IL1RAPL1: variants seen among roughly 807,000 people sequenced by gnomAD.
IL1RAPL1 encodes the protein interleukin-1 receptor accessory protein-like 1.
In IL1RAPL1, 3 loss-of-function variants were observed where a neutral mutation model predicts 48.4. That is an observed-to-expected ratio of 0.06 (90% CI 0.03 to 0.16). The LOEUF (loss-of-function observed/expected upper bound fraction) is 0.16, where lower values mean the gene tolerates loss of function less well. Ranked by LOEUF, IL1RAPL1 falls within the 10% of genes least tolerant of loss-of-function variation. The pLI is 1.00. For missense variants in IL1RAPL1, 349 were observed against 530.6 expected (o/e 0.66, Z 3.36); for synonymous variants, 185 against 187.7 (o/e 0.99, Z 0.12).
intron 2 of IL1RAPL1, among the ~76,000 whole-genome samples, chrX:28,915,110 C>T (rs1321808656): frequency 9.0e-6 from 1 of 111,559 alleles, no homozygotes; most frequent in Non-Finnish European, 1.9e-5. Flanking sequence ...AAGGAGCATG[C>T]AGCCTAGATC....
intron 5 of IL1RAPL1, among the ~76,000 whole-genome samples, chrX:29,543,434 C>T (rs950125794): frequency 3.6e-5 from 4 of 110,053 alleles, no homozygotes; most frequent in East Asian, 2.8e-4. Context: ...TGTTCTAAAG[C>T]GTTTTTTAAA....
Position 29,476,872 on chromosome X carries a change from C to CTTTT in IL1RAPL1, c.703+77580_703+77583dup, listed in dbSNP as rs1198120274. ...GACTCATTTACTTTTTACCCATATT[C>CTTTT]TTTTTTTTTTTTTTTTTTTGAGACG... is the stretch of plus-strand genomic sequence containing the variant. On this transcript the variant is annotated intron_variant, in intron 5 of 10. Coordinates refer to ENST00000378993, the MANE Select transcript of IL1RAPL1 (RefSeq NM_014271.4). 5.8e-4 allele frequency among the ~76,000 whole-genome samples: 31 copies of CTTTT among 53,899 alleles called. 5 individuals carry two copies. The highest frequency in any genetic ancestry group is 3.7e-3 in the South Asian group (3 of 803). The allele number at this position is 53,899 out of a possible 115,157, so 46.8% of individuals were successfully genotyped here.
intron 2 of IL1RAPL1, chrX:28,942,267 C>A (rs1464207203): frequency 9.2e-6 from 1 of 109,044 alleles, no homozygotes; most frequent in Non-Finnish European, 1.9e-5. Flanking sequence ...TTCTTCTTTA[C>A]TCCTGAATCT....
chrX:29,894,546 A>ATGTT (rs1194378339), intron 6 of IL1RAPL1, among the ~76,000 whole-genome samples: 1 of 112,351 alleles, frequency 8.9e-6, no homozygotes, highest in African/African-American at 3.2e-5. Flanking sequence ...TAGAACAATC[A>ATGTT]TGTTTGTTTT....
intron 6 of IL1RAPL1, among the ~76,000 whole-genome samples, chrX:29,799,445 A>G (rs991990015): frequency 8.9e-6 from 1 of 112,221 alleles, no homozygotes; most frequent in Non-Finnish European, 1.9e-5. Context: ...TGCCAATATT[A>G]CGATTAGCAA....
rs996452581 is a variant in IL1RAPL1, at chrX:28,615,575, T to C, written c.-25+27528T>C. On this transcript the variant is annotated intron_variant, in intron 1 of 10. Coordinates refer to ENST00000378993, the MANE Select transcript of IL1RAPL1 (RefSeq NM_014271.4). Reference sequence around the variant, plus strand: ...ATGATAAAAGCCATCAACAGGCCCTTGTCCTGCTGAGTTTCCCTGTGAAGC... The same window carrying C: ...ATGATAAAAGCCATCAACAGGCCCTCGTCCTGCTGAGTTTCCCTGTGAAGC... 2.7e-5 allele frequency among the ~76,000 whole-genome samples: 3 copies of C among 110,921 alleles called. No homozygotes were observed. In the Admixed American group the frequency reaches 2.9e-4, roughly 11 times the overall value.
chrX:29,419,802 T>G (rs1303792326), intron 5 of IL1RAPL1, among the ~76,000 whole-genome samples: 1 of 111,783 alleles, frequency 8.9e-6, no homozygotes, highest in African/African-American at 3.3e-5. Flanking sequence ...AGTTTAAGAT[T>G]TTTTTTATAT....
chrX:29,335,734 G>A (rs1251602058), intron 3 of IL1RAPL1, among the ~76,000 whole-genome samples: 2 of 111,331 alleles, frequency 1.8e-5, no homozygotes, highest in African/African-American at 3.3e-5. Flanking sequence ...CTTGACCTGA[G>A]GCCTTTGACC....
intron 5 of IL1RAPL1, among the ~76,000 whole-genome samples, chrX:29,431,293 C>A (rs1375485988): frequency 8.9e-6 from 1 of 112,043 alleles, no homozygotes; most frequent in Non-Finnish European, 1.9e-5. Flanking sequence ...TTCACATCTT[C>A]CTTTTTTGAT....
At chrX:29,053,929 T>C (rs1927154392) in intron 2 of IL1RAPL1, among the ~76,000 whole-genome samples, 1 of 112,093 alleles carries the variant, frequency 8.9e-6, no homozygotes, top group African/African-American at 3.2e-5. Flanking sequence ...GTGCCTGGCT[T>C]ATTTGACCTA....
chrX:29,869,104 A>C (rs751178836), intron 6 of IL1RAPL1, among the ~76,000 whole-genome samples: 1 of 112,401 alleles, frequency 8.9e-6, no homozygotes, highest in East Asian at 2.8e-4. Flanking sequence ...GCACTAACAC[A>C]CAAGAGTTTA....
chrX:29,332,965 T>C (rs760597716), intron 3 of IL1RAPL1, among the ~76,000 whole-genome samples: 4,208 of 103,145 alleles, frequency 0.041, no homozygotes, highest in Middle Eastern at 0.063. Context: ...GGGTTGGGGG[T>C]AAGGTCACAG....
intron 2 of IL1RAPL1, among the ~76,000 whole-genome samples, chrX:28,959,712 T>C (rs1270404177): frequency 8.9e-6 from 1 of 112,228 alleles, no homozygotes; most frequent in African/African-American, 3.2e-5. Flanking sequence ...ATTCTGTAAA[T>C]ATTTGGAAAT....
intron 2 of IL1RAPL1, among the ~76,000 whole-genome samples, chrX:29,251,000 T>G (rs909365870): frequency 3.5e-5 from 3 of 85,074 alleles, no homozygotes; most frequent in Non-Finnish European, 5.1e-5. Flanking sequence ...TTTGGATCAC[T>G]TCTTTTCTGG....
At position 28,982,395 on chromosome X, in the gene IL1RAPL1, G is replaced by A. The variant is rs1038329822; in HGVS notation, c.82+192970G>A. Among the ~76,000 whole-genome samples the A allele has an allele frequency of 4.5e-5, 5 of 111,949 alleles. No individual in the cohort carries two copies. In the Admixed American group the frequency reaches 4.7e-4, roughly 11 times the overall value. ...CATTTATAATGTGGGGATAATTATAGTACCTTCCTTGTGGAGTTCTTGTGA... is the reference window on the plus strand; with the variant it reads ...CATTTATAATGTGGGGATAATTATAATACCTTCCTTGTGGAGTTCTTGTGA... On this transcript the variant is annotated intron_variant, in intron 2 of 10. Coordinates refer to ENST00000378993, the MANE Select transcript of IL1RAPL1 (RefSeq NM_014271.4).
At chrX:29,172,183 T>A (rs921191409) in intron 2 of IL1RAPL1, among the ~76,000 whole-genome samples, 5 of 112,362 alleles carry the variant, frequency 4.4e-5, no homozygotes, top group Non-Finnish European at 9.4e-5. Context: ...AAAGGTTTTT[T>A]AATACTCTAT....
At chrX:29,740,787 T>C (rs5928236) in intron 6 of IL1RAPL1, among the ~76,000 whole-genome samples, 58,002 of 110,858 alleles carry the variant, frequency 0.52, 11,912 homozygotes, top group African/African-American at 0.77. Context: ...ATTAAATTGA[T>C]GTATAACACC....
At chrX:29,380,928 G>A (rs745492408) in intron 3 of IL1RAPL1, among the ~76,000 whole-genome samples, 7 of 112,166 alleles carry the variant, frequency 6.2e-5, no homozygotes, top group African/African-American at 2.3e-4. Flanking sequence ...TAAATGCCAT[G>A]GAGTGCTCAA....
chrX:29,830,698 C>T (rs151174454), intron 6 of IL1RAPL1, among the ~76,000 whole-genome samples: 1,801 of 110,643 alleles, frequency 0.016, 34 homozygotes, highest in African/African-American at 0.056. Flanking sequence ...AGTGATCCAC[C>T]CATCTCGGCC....
Sources: allele counts gnomAD v4.1 joint callset (sites outside exome capture counted in the v4.1 genomes callset), GRCh38; gene constraint gnomAD v4.1.1; transcripts MANE v1.5; gene names NCBI Gene and HGNC (gene_info 2026-07-23, HGNC 2026-07-21).